Variants in RNF126 observed in about 807,000 individuals in gnomAD.
RNF126 encodes E3 ubiquitin-protein ligase RNF126.
RNF126 carries 20 observed loss-of-function variants against 41.9 expected under a neutral mutation model. The ratio of observed to expected loss-of-function variants is 0.48; its 90% CI spans 0.34 to 0.69. The LOEUF (loss-of-function observed/expected upper bound fraction) is 0.69. RNF126 is among the 30% of genes least tolerant of loss of function. RNF126 has a pLI of 0.01. For missense variants in RNF126, 433 were observed against 460.6 expected (o/e 0.94, Z 0.55); for synonymous variants, 239 against 202.9 (o/e 1.18, Z -1.51).
intron 4 of RNF126, among the ~76,000 whole-genome samples, chr19:651,159 G>A (rs561984422): frequency 8.0e-5 from 12 of 150,028 alleles, no homozygotes; most frequent in South Asian, 4.2e-4. Flanking sequence ...GCCCAGCGAC[G>A]GCTCCCCCAG....
At chr19:652,960 G>A (rs1265400039) in intron 1 of RNF126, 76 bp from the exon 2 acceptor site, 13 of 1,369,022 alleles carry the variant, frequency 9.5e-6, no homozygotes, top group East Asian at 2.4e-5. Context: ...TGAGGACAGA[G>A]GGGCTCCGGA....
At chr19:649,151 C>G (rs1467945844) in intron 6 of RNF126, 176 bp from the exon 7 acceptor site, 5 of 290,662 alleles carry the variant, frequency 1.7e-5, no homozygotes, top group African/African-American at 6.7e-5. Context: ...CCCCCCCGCT[C>G]CTGGGTCCCC....
In RNF126 at chr19:652,245, C is replaced by T. The variant is rs753719057; in HGVS notation, c.186G>A (p.Arg62=). 70 of 1,536,348 alleles carry T rather than the reference C, an allele frequency of 4.6e-5. No homozygotes were observed. The highest frequency in any genetic ancestry group is 5.8e-5 in the Non-Finnish European group (67 of 1,153,280). Residue 62 remains arginine (R), a synonymous_variant, in exon 3 of 9, where the codon CGG becomes CGA. Coordinates refer to ENST00000292363, the MANE Select transcript of RNF126 (RefSeq NM_194460.3). ...GCGGGCGACTCACCTCCAACGGTGG[C>T]CGGCTCTGGTCTGTGGGAGCTGTGG... is the stretch of plus-strand genomic sequence containing the variant. ...APSTAPTDQS[R]PPLEHVDQHL...
intron 2 of RNF126, 58 bp from the exon 3 acceptor site, chr19:652,354 G>T: frequency 7.1e-7 from 1 of 1,399,162 alleles, no homozygotes; most frequent in Non-Finnish European, 9.7e-7. Flanking sequence ...TGCGCCAGGC[G>T]CTCCCTCCCC....
intron 5 of RNF126, among the ~76,000 whole-genome samples, chr19:650,013 A>T (rs866023364): frequency 1.8e-5 from 2 of 110,752 alleles, no homozygotes; most frequent in South Asian, 3.1e-4. Flanking sequence ...CCAGGGGCCC[A>T]GGCTGGGGAT....
In RNF126 at chr19:651,862, A is replaced by G. The variant is rs764763421; in HGVS notation, c.199-7T>C. The G allele has an allele frequency of 6.2e-7, 1 of 1,602,236 alleles. No homozygotes were observed. Among genetic ancestry groups the G allele is most frequent in the Non-Finnish European group, 8.5e-7 (1 of 1,174,642 alleles). On this transcript the variant is annotated splice_region_variant and splice_polypyrimidine_tract_variant and intron_variant, in intron 3 of 8. Transcript: ENST00000292363. Reference sequence around the variant, plus strand: ...ACAGGTGCTGGTCCACGTGCTGGGGAGAGGAGGGGGGCGTGACCTCGGGGG... The same window carrying G: ...ACAGGTGCTGGTCCACGTGCTGGGGGGAGGAGGGGGGCGTGACCTCGGGGG...
At chr19:657,185 A>T (rs2030595781) in intron 1 of RNF126, among the ~76,000 whole-genome samples, 1 of 152,180 alleles carries the variant, frequency 6.6e-6, no homozygotes, top group Non-Finnish European at 1.5e-5. Flanking sequence ...CCCTCTGAGG[A>T]CCCTGGCTTG....
chr19:651,973 G>C (rs1033043520), intron 3 of RNF126, 118 bp from the exon 4 acceptor site: 2 of 925,812 alleles, frequency 2.2e-6, no homozygotes, highest in Non-Finnish European at 3.2e-6. Context: ...CCGGGTGGGA[G>C]GGAGACGCAG....
At chr19:650,425 T>C in intron 4 of RNF126, 129 bp from the exon 5 acceptor site, 1 of 757,444 alleles carries the variant, frequency 1.3e-6, no homozygotes, top group Non-Finnish European at 2.1e-6. Context: ...TCTATTTATT[T>C]ATTTTACTAT....
intron 1 of RNF126, among the ~76,000 whole-genome samples, chr19:658,203 A>T (rs1259429230): frequency 2.6e-5 from 4 of 152,022 alleles, no homozygotes; most frequent in African/African-American, 7.2e-5. Context: ...CCACCCATGC[A>T]CCCCTGCAGC....
In RNF126 at chr19:663,184, T is replaced by C. The variant is rs1211027745; in HGVS notation, c.-63A>G. ...GCGGCACCCGCCGCCGGCCGTTTGC[T>C]GCTCCCTCGCCGGCCGACGCGCCCG... On this transcript the variant is annotated 5_prime_UTR_variant, in exon 1 of 9. Coordinates refer to ENST00000292363, the MANE Select transcript of RNF126 (RefSeq NM_194460.3). 1.1e-5 allele frequency: 8 copies of C among 751,518 alleles called. No individual in the cohort carries two copies. The highest frequency in any genetic ancestry group is 5.2e-4 in the Middle Eastern group (1 of 1,912). 46.6% of individuals were successfully genotyped at this position (751,518 alleles called of 1,614,324 possible).
intron 1 of RNF126, among the ~76,000 whole-genome samples, chr19:654,581 T>C (rs1350688570): frequency 8.3e-6 from 1 of 121,006 alleles, no homozygotes; most frequent in Non-Finnish European, 1.6e-5. Context: ...AGGCGGAGGT[T>C]GCAGTGAGCT....
Position 651,817 on chromosome 19 carries a change from G to A in RNF126, c.237C>T (p.Tyr79=), listed in dbSNP as rs149825528. 45 of 1,612,444 alleles carry A rather than the reference G, an allele frequency of 2.8e-5. 1 individual carries two copies. The highest frequency in any genetic ancestry group is 1.5e-4 in the African/African-American group (11 of 75,054). The change falls in exon 4 of 9, where the codon TAC becomes TAT. Residue 79 remains tyrosine (Y), a synonymous_variant. Transcript: ENST00000292363. ...CGAAGATGCCGAAAGCAAACTGTCCGTAGCCCTGCGGCAGCGTGAACAGGT... is the reference window on the plus strand; with the variant it reads ...CGAAGATGCCGAAAGCAAACTGTCCATAGCCCTGCGGCAGCGTGAACAGGT... ...DQHLFTLPQG[Y]GQFAFGIFDD... is the part of the protein sequence containing the mutation.
In RNF126 at chr19:650,314, A is replaced by G. The variant is rs764728487; in HGVS notation, c.444-18T>C. The G allele has an allele frequency of 7.2e-5, 113 of 1,569,014 alleles. 1 individual carries two copies. Among genetic ancestry groups the G allele is most frequent in the Non-Finnish European group, 9.0e-5 (104 of 1,157,044 alleles). ...GGATGATCCTGGAAAAGAGAGCGCC[A>G]GTCACGGGGTGAGGCCGCCCCACGC... On this transcript the variant is annotated intron_variant, in intron 4 of 8. Transcript: ENST00000292363.
chr19:658,645 C>A (rs777413356), intron 1 of RNF126, among the ~76,000 whole-genome samples: 1 of 152,188 alleles, frequency 6.6e-6, no homozygotes. Context: ...ACATTCACAC[C>A]GTCTGTCCCT....
At position 647,973 on chromosome 19, in the gene RNF126, G is replaced by A; in HGVS notation, c.*155C>T. On this transcript the variant is annotated 3_prime_UTR_variant, in exon 9 of 9. Coordinates refer to ENST00000292363, the MANE Select transcript of RNF126 (RefSeq NM_194460.3). The stretch of plus-strand genomic sequence containing the variant: ...CGCCTTCCCAAGCCAGGGGGCCGGT[G>A]GGCCGGGCCCGGGTCCTGCCCTGGA... 5 of 943,882 alleles carry A rather than the reference G, an allele frequency of 5.3e-6. No homozygotes were observed. 58.5% of individuals were successfully genotyped at this position (943,882 alleles called of 1,614,324 possible). A position where few individuals can be genotyped will look rare whatever the true frequency, so the allele number is the denominator to read the frequency against.
intron 1 of RNF126, among the ~76,000 whole-genome samples, chr19:660,698 C>A (rs934831630): frequency 2.0e-5 from 3 of 152,132 alleles, no homozygotes; most frequent in African/African-American, 7.2e-5. Context: ...GGCACCATCA[C>A]GGCTCACCGC....
chr19:662,224 G>A (rs2030835382), intron 1 of RNF126, among the ~76,000 whole-genome samples: 2 of 152,308 alleles, frequency 1.3e-5, no homozygotes, highest in South Asian at 2.1e-4. Context: ...CTGGAAAAGG[G>A]GCCTGGAAAT....
At chr19:652,758 G>C (rs1015025549) in intron 2 of RNF126, 68 bp downstream of exon 2, 10 of 1,466,684 alleles carry the variant, frequency 6.8e-6, no homozygotes, top group Non-Finnish European at 9.5e-6. Flanking sequence ...CGCCAGCACA[G>C]CCCACACCCC....
Sources: allele counts gnomAD v4.1 joint callset (sites outside exome capture counted in the v4.1 genomes callset), GRCh38; gene constraint gnomAD v4.1.1; transcripts MANE v1.5; gene names NCBI Gene and HGNC (gene_info 2026-07-23, HGNC 2026-07-21).